DSCAM: variants seen among roughly 807,000 people sequenced by gnomAD.
DSCAM encodes DS cell adhesion molecule, also known as cell adhesion molecule DSCAM.
Under a neutral mutation model 217.7 loss-of-function variants are expected in DSCAM, and 47 were observed. The observed-to-expected ratio is 0.22, with a 90% confidence interval of 0.17 to 0.28. The LOEUF is 0.28. DSCAM is among the 10% of genes least tolerant of loss of function. The probability of loss-of-function intolerance (pLI) is 1.00; values close to 1 mark genes in which losing one functional copy is unlikely to be tolerated. For missense variants in DSCAM, 2,080 were observed against 2,618.3 expected, an observed-to-expected ratio of 0.79 and a Z score of 4.49; for synonymous variants, 1,056 against 1,015.3, an observed-to-expected ratio of 1.04 and a Z score of -0.76.
At chr21:40,201,359 C>A (rs1601435353) in intron 11 of DSCAM, among the ~76,000 whole-genome samples, 1 of 138,754 alleles carries the variant, frequency 7.2e-6, no homozygotes, top group South Asian at 2.4e-4. Context: ...CGCATGGAGG[C>A]AGGCTGGCCA....
At chr21:40,415,209 T>C (rs1225874265) in intron 3 of DSCAM, among the ~76,000 whole-genome samples, 1 of 152,240 alleles carries the variant, frequency 6.6e-6, no homozygotes, top group Non-Finnish European at 1.5e-5. Flanking sequence ...TATATTTAAA[T>C]GTAGGATACA....
chr21:40,137,349 T>C (rs1047169933), intron 18 of DSCAM, among the ~76,000 whole-genome samples: 6 of 151,972 alleles, frequency 3.9e-5, no homozygotes, highest in Non-Finnish European at 7.4e-5. Flanking sequence ...TTAAGATTTC[T>C]AAAACTACCT....
intron 1 of DSCAM, among the ~76,000 whole-genome samples, chr21:40,838,075 T>C (rs35480596): frequency 1.3e-5 from 2 of 151,980 alleles, no homozygotes; most frequent in Non-Finnish European, 2.9e-5. Context: ...CTTAAAGTAA[T>C]AAGTTTCCTT....
At position 40,187,007 on chromosome 21, in the gene DSCAM, G is replaced by A. The variant is rs892169164; in HGVS notation, c.2779+124C>T. The A allele has an allele frequency of 1.1e-5, 13 of 1,198,236 alleles. No homozygotes were observed. The African/African-American group carries it at 1.9e-4, about 17-fold the overall frequency. 74.2% of individuals were successfully genotyped at this position (1,198,236 alleles called of 1,614,324 possible). A position where few individuals can be genotyped will look rare whatever the true frequency, so the allele number is the denominator to read the frequency against. On this transcript the variant is annotated intron_variant, in intron 14 of 32. Transcript: ENST00000400454. ...TGTGCTTCCAGCAAGGAGACTGGGG[G>A]AAGTGGTGCCCTCTGAGCTCCTGTG...
intron 20 of DSCAM, among the ~76,000 whole-genome samples, chr21:40,102,577 A>C (rs555139974): frequency 6.6e-6 from 1 of 152,334 alleles, no homozygotes; most frequent in African/African-American, 2.4e-5. Flanking sequence ...ACCTGCCTTC[A>C]TTCCACAATT....
At chr21:40,577,005 A>AT (rs2076856589) in intron 3 of DSCAM, among the ~76,000 whole-genome samples, 1 of 151,650 alleles carries the variant, frequency 6.6e-6, no homozygotes, top group African/African-American at 2.4e-5. Flanking sequence ...TAAAATAAAA[A>AT]AAAAAATAAG....
chr21:40,078,964 T>C lies in DSCAM; in HGVS notation c.4434A>G (p.Ser1478=), dbSNP rs776987746. 2 of 1,613,852 alleles carry C rather than the reference T, an allele frequency of 1.2e-6. No homozygotes were observed. The highest frequency in any genetic ancestry group is 2.2e-5 in the South Asian group (2 of 91,046). The change falls in exon 26 of 33, where the codon TCA becomes TCG. Residue 1478 remains serine (S), a synonymous_variant. Transcript: ENST00000400454. ...TGCTGGCAAACAGCTCCTGCTCCTT[T>C]GAGAACTGGGGCTCTGGGGGAGAAG... ...AKTLGKEPQF[S]KEQELFASIN...
chr21:40,617,531 A>G (rs547550536), intron 3 of DSCAM, among the ~76,000 whole-genome samples: 8 of 152,324 alleles, frequency 5.3e-5, no homozygotes, highest in South Asian at 2.1e-4. Flanking sequence ...CTGGAGATCC[A>G]CTGGCTCCCA....
At chr21:40,592,643 A>G (rs455473) in intron 3 of DSCAM, among the ~76,000 whole-genome samples, 101,422 of 151,914 alleles carry the variant, frequency 0.67, 34,060 homozygotes, top group African/African-American at 0.72. Flanking sequence ...TTCTTCCTTC[A>G]CATTCAAGTC....
intron 1 of DSCAM, among the ~76,000 whole-genome samples, chr21:40,728,031 C>G (rs900910617): frequency 3.3e-5 from 5 of 152,170 alleles, no homozygotes; most frequent in Admixed American, 6.5e-5. Flanking sequence ...TGTGCCGTCT[C>G]CCCCTCAGGG....
At chr21:40,529,995 A>G (rs2076430542) in intron 3 of DSCAM, among the ~76,000 whole-genome samples, 1 of 152,170 alleles carries the variant, frequency 6.6e-6, no homozygotes, top group Admixed American at 6.5e-5. Context: ...TATTGCTTTA[A>G]CTCTAAGGGT....
chr21:40,123,131 T>C (rs2090053149), intron 20 of DSCAM, among the ~76,000 whole-genome samples: 1 of 151,992 alleles, frequency 6.6e-6, no homozygotes, highest in Non-Finnish European at 1.5e-5. Context: ...GTGGGTGCCA[T>C]GGGCTGGTGG....
intron 3 of DSCAM, among the ~76,000 whole-genome samples, chr21:40,423,407 C>G (rs2075443445): frequency 6.6e-6 from 1 of 152,208 alleles, no homozygotes; most frequent in Admixed American, 6.5e-5. Context: ...CCTAAACACA[C>G]TGCGCATGCT....
chr21:40,110,576 G>A (rs2089884611), intron 20 of DSCAM, among the ~76,000 whole-genome samples: 1 of 151,970 alleles, frequency 6.6e-6, no homozygotes, highest in South Asian at 2.1e-4. Context: ...AGATGATTTT[G>A]ATGAGTTGAG....
chr21:40,037,127 AC>A (rs1192372104), intron 32 of DSCAM, among the ~76,000 whole-genome samples: 1 of 149,980 alleles, frequency 6.7e-6, no homozygotes, highest in Admixed American at 6.6e-5. Flanking sequence ...GCCCTCTCTC[AC>A]CACTCCTATT....
At chr21:40,368,380 T>A (rs986683714) in intron 4 of DSCAM, among the ~76,000 whole-genome samples, 1 of 152,168 alleles carries the variant, frequency 6.6e-6, no homozygotes, top group Non-Finnish European at 1.5e-5. Flanking sequence ...AAAATAGCAA[T>A]TGACTTGTAA....
chr21:40,334,443 T>G (rs1242602416), intron 8 of DSCAM, among the ~76,000 whole-genome samples: 2 of 152,256 alleles, frequency 1.3e-5, no homozygotes, highest in East Asian at 3.9e-4. Context: ...CACACCTGTA[T>G]CCAACCACTA....
chr21:40,040,964 A>G (rs2088737144), intron 32 of DSCAM, among the ~76,000 whole-genome samples: 1 of 152,190 alleles, frequency 6.6e-6, no homozygotes, highest in Non-Finnish European at 1.5e-5. Flanking sequence ...ACACCCACAA[A>G]TAACAGCTTG....
rs866524996 is a variant in DSCAM at position 40,357,871 on chromosome 21, C to A, written c.656-4128G>T. Among the ~76,000 whole-genome samples the A allele has an allele frequency of 7.6e-3, 1,063 of 139,542 alleles. 16 individuals are homozygous for A. Among genetic ancestry groups the A allele is most frequent in the African/African-American group, 0.027 (976 of 35,978 alleles). 91.5% of individuals were successfully genotyped at this position (139,542 alleles called of 152,430 possible). The stretch of plus-strand genomic sequence containing the variant: ...AAACTTAAAGTATAATAAAAAAAAA[C>A]AAAAACAAAAAATGTGAGAATATAA... On this transcript the variant is annotated intron_variant, in intron 4 of 32. Coordinates refer to ENST00000400454, the MANE Select transcript of DSCAM (RefSeq NM_001389.5).
Sources: gnomAD v4.1 joint callset for allele counts (sites outside exome capture counted in the v4.1 genomes callset) on GRCh38, gnomAD v4.1.1 for gene constraint, MANE v1.5 for transcripts, NCBI Gene and HGNC (gene_info 2026-07-23, HGNC 2026-07-21) for gene names.